Variants in DLGAP2 observed in about 807,000 individuals in gnomAD.
The protein encoded by DLGAP2 is disks large-associated protein 2.
DLGAP2 carries 26 observed loss-of-function variants against 100.3 expected under a neutral mutation model. The observed-to-expected ratio is 0.26, with a 90% confidence interval of 0.19 to 0.36. DLGAP2 has a LOEUF of 0.36. DLGAP2 is among the 10% of genes least tolerant of loss of function. The pLI is 1.00. For synonymous variants in DLGAP2, 886 were observed against 630.1 expected, an observed-to-expected ratio of 1.41 and a Z score of -6.08; for missense variants, 1,858 against 1,453.2, an observed-to-expected ratio of 1.28 and a Z score of -4.53.
intron 2 of DLGAP2, among the ~76,000 whole-genome samples, chr8:1,127,546 C>G (rs1473228288): frequency 6.6e-6 from 1 of 152,202 alleles, no homozygotes; most frequent in African/African-American, 2.4e-5. Context: ...GACCACTTGG[C>G]TGACCCTCCT....
intron 3 of DLGAP2, among the ~76,000 whole-genome samples, chr8:1,425,852 G>T (rs1201089879): frequency 6.6e-6 from 1 of 152,200 alleles, no homozygotes; most frequent in Non-Finnish European, 1.5e-5. Flanking sequence ...TCAGTTCAGT[G>T]CCTGAGGCAG....
chr8:1,312,844 G>A (rs907897915), intron 3 of DLGAP2, among the ~76,000 whole-genome samples: 5 of 152,192 alleles, frequency 3.3e-5, no homozygotes, highest in South Asian at 2.1e-4. Context: ...GAAAATGAAC[G>A]CGAGTGTCCA....
intron 3 of DLGAP2, among the ~76,000 whole-genome samples, chr8:1,269,716 T>G (rs1041120534): frequency 6.6e-6 from 1 of 152,030 alleles, no homozygotes; most frequent in African/African-American, 2.4e-5. Flanking sequence ...CCCCAGCCAA[T>G]CTTGTGATCA....
intron 1 of DLGAP2, among the ~76,000 whole-genome samples, chr8:823,056 G>A (rs1490508071): frequency 1.3e-5 from 2 of 150,468 alleles, no homozygotes; most frequent in Non-Finnish European, 3.0e-5. Context: ...CTAAATTTCA[G>A]GGGGGGCCAT....
At chr8:1,627,285 G>C (rs564571013) in intron 7 of DLGAP2, among the ~76,000 whole-genome samples, 1 of 152,330 alleles carries the variant, frequency 6.6e-6, no homozygotes, top group East Asian at 1.9e-4. Flanking sequence ...AGAAAGTCCT[G>C]TGAGAGGATA....
At chr8:967,679 C>A (rs11995517) in intron 2 of DLGAP2, among the ~76,000 whole-genome samples, 1 of 144,816 alleles carries the variant, frequency 6.9e-6, no homozygotes, top group African/African-American at 2.6e-5. Context: ...GTACAAATAC[C>A]TATGTACATT....
chr8:1,368,164 G>A (rs771371277), intron 3 of DLGAP2, among the ~76,000 whole-genome samples: 4 of 152,032 alleles, frequency 2.6e-5, no homozygotes, highest in East Asian at 3.9e-4. Context: ...GTGCACATAC[G>A]TGTGCATGTG....
chr8:1,489,291 G>A (rs757014874), intron 3 of DLGAP2, among the ~76,000 whole-genome samples: 5 of 152,186 alleles, frequency 3.3e-5, no homozygotes, highest in Admixed American at 6.5e-5. Context: ...CTTCCTCACT[G>A]TCTGTGAGTC....
intron 2 of DLGAP2, among the ~76,000 whole-genome samples, chr8:924,557 A>G (rs1446682933): frequency 2.0e-5 from 3 of 151,256 alleles, no homozygotes; most frequent in African/African-American, 4.9e-5. Context: ...CTGGCACTGC[A>G]TGCTTATCCC....
At chr8:974,952 A>T (rs1402686064) in intron 2 of DLGAP2, among the ~76,000 whole-genome samples, 1 of 152,236 alleles carries the variant, frequency 6.6e-6, no homozygotes, top group African/African-American at 2.4e-5. Flanking sequence ...TTAAGCCAAG[A>T]GCTTGTTCTT....
intron 3 of DLGAP2, among the ~76,000 whole-genome samples, chr8:1,271,902 C>G (rs1754468407): frequency 6.6e-6 from 1 of 152,188 alleles, no homozygotes; most frequent in Non-Finnish European, 1.5e-5. Context: ...GCAACCTCCA[C>G]CGGGTTCAAG....
At chr8:1,072,536 G>A (rs192079551) in intron 2 of DLGAP2, among the ~76,000 whole-genome samples, 35 of 152,242 alleles carry the variant, frequency 2.3e-4, no homozygotes, top group African/African-American at 8.2e-4. Flanking sequence ...TTCTCCCCGC[G>A]GTAGTGCAGG....
chr8:747,738 G>T (rs772163280), intron 1 of DLGAP2, among the ~76,000 whole-genome samples: 1 of 32,636 alleles, frequency 3.1e-5, no homozygotes, highest in East Asian at 8.6e-4. Context: ...GTGGGATGGG[G>T]GGGCTCTGCG....
chr8:1,080,282 C>A (rs554095126), intron 2 of DLGAP2, among the ~76,000 whole-genome samples: 1 of 152,220 alleles, frequency 6.6e-6, no homozygotes, highest in Admixed American at 6.5e-5. Flanking sequence ...ACCCCCGCCC[C>A]GCCGCCCGCG....
At chr8:1,699,062 T>C (rs1027853605) in intron 14 of DLGAP2, among the ~76,000 whole-genome samples, 1 of 152,208 alleles carries the variant, frequency 6.6e-6, no homozygotes, top group Non-Finnish European at 1.5e-5. Context: ...AAGGAGATGA[T>C]CAGTGATGCT....
chr8:1,121,399 C>G (rs964644824), intron 2 of DLGAP2, among the ~76,000 whole-genome samples: 11 of 151,868 alleles, frequency 7.2e-5, no homozygotes, highest in Non-Finnish European at 1.5e-4. Flanking sequence ...ACCCTGACCA[C>G]CCATCCTCTT....
Position 761,595 on chromosome 8 carries a change from G to T in DLGAP2, c.18+23770G>T, listed in dbSNP as rs1002731486. Among the ~76,000 whole-genome samples, 6 of 152,316 alleles carry T rather than the reference G, an allele frequency of 3.9e-5. No homozygotes were observed. In the South Asian group the frequency reaches 8.3e-4, roughly 21 times the overall value. ...GGGATCCTGGCCGGGATGGGCACTGGGTCCCCTCCATGCACCCTTAGGGAA... is the reference window on the plus strand; with the variant it reads ...GGGATCCTGGCCGGGATGGGCACTGTGTCCCCTCCATGCACCCTTAGGGAA... On this transcript the variant is annotated intron_variant, in intron 1 of 14. Coordinates refer to ENST00000637795, the MANE Select transcript of DLGAP2 (RefSeq NM_001346810.2).
At chr8:1,480,800 A>G (rs897913515) in intron 3 of DLGAP2, among the ~76,000 whole-genome samples, 1 of 151,686 alleles carries the variant, frequency 6.6e-6, no homozygotes, top group African/African-American at 2.4e-5. Context: ...CGGGAGGCAG[A>G]GGTTGCAGTG....
At chr8:1,378,189 A>G (rs10085923) in intron 3 of DLGAP2, 14,552 of 168,782 alleles carry the variant, frequency 0.086, 1,010 homozygotes, top group East Asian at 0.26. Context: ...TCACCTGTCC[A>G]TCCTGTGCAC....
Sources: allele counts gnomAD v4.1 joint callset (sites outside exome capture counted in the v4.1 genomes callset), GRCh38; gene constraint gnomAD v4.1.1; transcripts MANE v1.5; gene names NCBI Gene and HGNC (gene_info 2026-07-23, HGNC 2026-07-21).